Variants in BORCS5 observed in about 807,000 individuals in gnomAD.
The protein encoded by BORCS5 is BLOC-1 related complex subunit 5, also known as BLOC-1-related complex subunit 5.
Under a neutral mutation model 22.1 loss-of-function variants are expected in BORCS5, and 17 were observed. The observed-to-expected ratio is 0.77, with a 90% CI of 0.53 to 1.15. The LOEUF is 1.15. Among genes scored for constraint, BORCS5 ranks in the 50% most tolerant of loss-of-function variants. The pLI, the probability that BORCS5 is intolerant of heterozygous loss-of-function variation, is 0.00. For missense variants in BORCS5, 247 were observed against 253.2 expected, an observed-to-expected ratio of 0.98 and a Z score of 0.17; for synonymous variants, 117 against 99.8, an observed-to-expected ratio of 1.17 and a Z score of -1.03.
chr12:12,407,962 G>A (rs954216812), intron 2 of BORCS5, among the ~76,000 whole-genome samples: 2 of 151,984 alleles, frequency 1.3e-5, no homozygotes, highest in South Asian at 2.1e-4. Flanking sequence ...CTTCCACCTC[G>A]GCCTCCCAAA....
At chr12:12,427,003 C>A (rs1340677504) in intron 2 of BORCS5, among the ~76,000 whole-genome samples, 1 of 152,034 alleles carries the variant, frequency 6.6e-6, no homozygotes, top group Non-Finnish European at 1.5e-5. Context: ...TGCCGTTGCC[C>A]CCTCGAGGTT....
At chr12:12,436,976 A>G (rs1353441781) in intron 3 of BORCS5, among the ~76,000 whole-genome samples, 2 of 152,186 alleles carry the variant, frequency 1.3e-5, no homozygotes, top group Admixed American at 6.5e-5. Flanking sequence ...ATGACTATTC[A>G]TTGGCATCAT....
chr12:12,386,075 A>G (rs562634601), intron 2 of BORCS5, among the ~76,000 whole-genome samples: 1 of 150,106 alleles, frequency 6.7e-6, no homozygotes, highest in South Asian at 2.1e-4. Flanking sequence ...GTCTTGGCTC[A>G]CTGCAACCTC....
chr12:12,433,596 AG>A (rs1296093247), intron 2 of BORCS5, among the ~76,000 whole-genome samples: 1 of 152,222 alleles, frequency 6.6e-6, no homozygotes, highest in African/African-American at 2.4e-5. Flanking sequence ...AATTGGGTAA[AG>A]GGGACACGGG....
rs1225641656 is a variant in BORCS5 at position 12,410,548 on chromosome 12, A to G, written c.203-25080A>G. 4.0e-5 allele frequency among the ~76,000 whole-genome samples: 6 copies of G among 151,840 alleles called. No homozygotes were observed. In the South Asian group the frequency reaches 6.2e-4, roughly 16 times the overall value. On this transcript the variant is annotated intron_variant, in intron 2 of 3. Coordinates refer to ENST00000314565, the MANE Select transcript of BORCS5 (RefSeq NM_058169.6). ...GATCAGATAGTTGTAGATATGCGGC[A>G]TTATTTCTGAGGGCTCTGTTCTGTT...
chr12:12,371,862 G>A (rs141348407), intron 2 of BORCS5, among the ~76,000 whole-genome samples: 45 of 152,026 alleles, frequency 3.0e-4, no homozygotes, highest in African/African-American at 2.9e-4. Context: ...GTGTTTCCAT[G>A]TTCAGTGGTC....
At chr12:12,443,067 G>A (rs1225290875) in intron 3 of BORCS5, among the ~76,000 whole-genome samples, 1 of 152,238 alleles carries the variant, frequency 6.6e-6, no homozygotes, top group Non-Finnish European at 1.5e-5. Flanking sequence ...AGCTCCTTTG[G>A]TTAAAAGCCT....
intron 2 of BORCS5, among the ~76,000 whole-genome samples, chr12:12,388,742 A>T (rs771346172): frequency 6.0e-5 from 9 of 151,116 alleles, no homozygotes; most frequent in Non-Finnish European, 1.2e-4. Flanking sequence ...TTTTGGGGCC[A>T]GATAGACTAT....
chr12:12,437,650 T>C (rs535614312), intron 3 of BORCS5, among the ~76,000 whole-genome samples: 1 of 152,338 alleles, frequency 6.6e-6, no homozygotes, highest in East Asian at 1.9e-4. Context: ...AGCCAGACTT[T>C]TGAAACTTAG....
chr12:12,395,692 G>T (rs1326606205), intron 2 of BORCS5, among the ~76,000 whole-genome samples: 1 of 152,014 alleles, frequency 6.6e-6, no homozygotes, highest in Non-Finnish European at 1.5e-5. Flanking sequence ...GTTTGTTGCA[G>T]TAGGGAGCAG....
At chr12:12,417,365 T>G (rs947765097) in intron 2 of BORCS5, among the ~76,000 whole-genome samples, 17 of 152,198 alleles carry the variant, frequency 1.1e-4, no homozygotes, top group African/African-American at 1.9e-4. Flanking sequence ...TTTTGAGACT[T>G]AATCTGTGAC....
At chr12:12,388,906 C>G (rs948043364) in intron 2 of BORCS5, among the ~76,000 whole-genome samples, 1 of 150,926 alleles carries the variant, frequency 6.6e-6, no homozygotes, top group Non-Finnish European at 1.5e-5. Flanking sequence ...TGAAGCCAGT[C>G]CTCTGACTTG....
chr12:12,423,525 A>C (rs1008099506), intron 2 of BORCS5, among the ~76,000 whole-genome samples: 1 of 138,738 alleles, frequency 7.2e-6, no homozygotes, highest in African/African-American at 3.0e-5. Flanking sequence ...CTGGATATAA[A>C]ATTCTTGGTT....
At chr12:12,395,978 G>A (rs1941330265) in intron 2 of BORCS5, among the ~76,000 whole-genome samples, 1 of 151,932 alleles carries the variant, frequency 6.6e-6, no homozygotes, top group African/African-American at 2.4e-5. Context: ...AATGGGGAAG[G>A]GAGATTAATT....
intron 2 of BORCS5, among the ~76,000 whole-genome samples, chr12:12,366,218 T>C (rs560807595): frequency 6.6e-6 from 1 of 152,366 alleles, no homozygotes; most frequent in African/African-American, 2.4e-5. Flanking sequence ...TTAATGACAG[T>C]TTATTCTTTC....
At chr12:12,464,777 G>A (rs1592147032) in intron 3 of BORCS5, among the ~76,000 whole-genome samples, 3 of 152,176 alleles carry the variant, frequency 2.0e-5, no homozygotes, top group African/African-American at 4.8e-5. Flanking sequence ...TCTTTAATGG[G>A]GGAGAAGGGC....
chr12:12,442,226 G>A lies in BORCS5; in HGVS notation c.360+6441G>A, dbSNP rs576564993. On this transcript the variant is annotated intron_variant, in intron 3 of 3. Coordinates refer to ENST00000314565, the MANE Select transcript of BORCS5 (RefSeq NM_058169.6). ...TTCTAGTTGCTGTCAGTGGGTAAATGTGTTCATAGATTAGAACAAGTTGCA... is the reference window on the plus strand; with the variant it reads ...TTCTAGTTGCTGTCAGTGGGTAAATATGTTCATAGATTAGAACAAGTTGCA... Among the ~76,000 whole-genome samples, 4 of 151,068 alleles carry A rather than the reference G, an allele frequency of 2.6e-5. No homozygotes were observed. The East Asian group carries it at 7.7e-4, about 29-fold the overall frequency.
rs186236273 is a variant in BORCS5 at position 12,393,975 on chromosome 12, C to A, written c.202+32626C>A. ...TGTTTACTTTTTATGGTTTTTCTTT[C>A]ATTCCCCTTGCTGATAGCAAGTAGC... On this transcript the variant is annotated intron_variant, in intron 2 of 3. Transcript: ENST00000314565. Among the ~76,000 whole-genome samples the A allele has an allele frequency of 1.0e-3, 156 of 151,996 alleles. 4 individuals are homozygous for A. Among genetic ancestry groups the A allele is most frequent in the African/African-American group, 3.5e-3 (147 of 41,420 alleles).
intron 2 of BORCS5, among the ~76,000 whole-genome samples, chr12:12,430,353 A>G (rs1017740584): frequency 6.6e-6 from 1 of 151,894 alleles, no homozygotes; most frequent in African/African-American, 2.4e-5. Context: ...GGGTTTCACC[A>G]TGTTAGCCAG....
Sources: allele counts gnomAD v4.1 joint callset (sites outside exome capture counted in the v4.1 genomes callset), GRCh38; gene constraint gnomAD v4.1.1; transcripts MANE v1.5; gene names NCBI Gene and HGNC (gene_info 2026-07-23, HGNC 2026-07-21).